PARD3B: variants seen among roughly 807,000 people sequenced by gnomAD.
PARD3B encodes the protein partitioning defective 3 homolog B.
Under a neutral mutation model 130.2 loss-of-function variants are expected in PARD3B, and 103 were observed. That is an observed-to-expected ratio of 0.79 (90% CI 0.67 to 0.93). The LOEUF (loss-of-function observed/expected upper bound fraction) is 0.93, where lower values mean the gene tolerates loss of function less well. PARD3B is among the 40% of genes least tolerant of loss of function. PARD3B has a pLI of 0.00. For missense variants in PARD3B, 1,609 were observed against 1,499.2 expected (o/e 1.07, Z -1.21); for synonymous variants, 583 against 553.2 (o/e 1.05, Z -0.76).
intron 11 of PARD3B, among the ~76,000 whole-genome samples, chr2:205,161,525 A>AAGT (rs1486587231): frequency 1.3e-5 from 2 of 152,124 alleles, no homozygotes; most frequent in African/African-American, 4.8e-5. Flanking sequence ...GGGGAAAAAA[A>AAGT]AGTATTTTTC....
At chr2:204,913,731 A>G (rs950337850) in intron 2 of PARD3B, among the ~76,000 whole-genome samples, 4 of 152,228 alleles carry the variant, frequency 2.6e-5, no homozygotes, top group Admixed American at 2.6e-4. Flanking sequence ...CCCAATAGAC[A>G]CATATTGGTA....
chr2:205,394,495 T>C (rs952435244), intron 18 of PARD3B, among the ~76,000 whole-genome samples: 1 of 152,160 alleles, frequency 6.6e-6, no homozygotes, highest in African/African-American at 2.4e-5. Flanking sequence ...AGAGACACTA[T>C]CTCTATCCTC....
intron 14 of PARD3B, among the ~76,000 whole-genome samples, chr2:205,190,486 G>C (rs890336747): frequency 6.6e-6 from 1 of 152,190 alleles, no homozygotes; most frequent in Admixed American, 6.5e-5. Flanking sequence ...CATAGTAAAA[G>C]GTGAGCAAGT....
intron 3 of PARD3B, among the ~76,000 whole-genome samples, chr2:204,994,960 G>C (rs1267077183): frequency 6.7e-6 from 1 of 149,684 alleles, no homozygotes; most frequent in East Asian, 2.0e-4. Flanking sequence ...CTTTTATTTT[G>C]AGCCTATGTG....
intron 18 of PARD3B, among the ~76,000 whole-genome samples, chr2:205,311,064 A>T (rs2042370686): frequency 6.6e-6 from 1 of 152,050 alleles, no homozygotes; most frequent in African/African-American, 2.4e-5. Context: ...ACATTTCTTT[A>T]TCCATTCATC....
At chr2:204,596,721 G>C (rs1009187328) in intron 1 of PARD3B, among the ~76,000 whole-genome samples, 9 of 152,154 alleles carry the variant, frequency 5.9e-5, no homozygotes, top group African/African-American at 1.9e-4. Context: ...CTGAGGTTGG[G>C]AGTTCCAGAC....
chr2:204,565,478 C>T (rs1000065746), intron 1 of PARD3B, among the ~76,000 whole-genome samples: 1 of 152,172 alleles, frequency 6.6e-6, no homozygotes, highest in Non-Finnish European at 1.5e-5. Flanking sequence ...TATTAGTTCA[C>T]TGAGTTGTAT....
At chr2:204,680,526 G>T (rs1022785621) in intron 1 of PARD3B, among the ~76,000 whole-genome samples, 1 of 151,430 alleles carries the variant, frequency 6.6e-6, no homozygotes, top group South Asian at 2.1e-4. Flanking sequence ...TTTATTTGTT[G>T]TTTTTTTATT....
intron 2 of PARD3B, among the ~76,000 whole-genome samples, chr2:204,736,137 A>G (rs1427014838): frequency 6.6e-6 from 1 of 150,554 alleles, no homozygotes; most frequent in African/African-American, 2.5e-5. Flanking sequence ...TTATGTTTCT[A>G]TACAGGAGGA....
intron 4 of PARD3B, among the ~76,000 whole-genome samples, chr2:205,080,794 GTTTGCCT>G (rs376045013): frequency 9.2e-5 from 14 of 152,096 alleles, no homozygotes; most frequent in African/African-American, 3.4e-4. Context: ...AATTGGTACT[GTTTGCCT>G]TTTTCATTTT....
intron 1 of PARD3B, among the ~76,000 whole-genome samples, chr2:204,554,460 G>A (rs1007012146): frequency 3.3e-5 from 5 of 151,852 alleles, no homozygotes; most frequent in Non-Finnish European, 5.9e-5. Context: ...CACCAGAAAT[G>A]CTTGTCATCA....
At chr2:205,538,494 T>C (rs868141642) in intron 21 of PARD3B, among the ~76,000 whole-genome samples, 184 of 131,150 alleles carry the variant, frequency 1.4e-3, no homozygotes, top group Middle Eastern at 4.3e-3. Flanking sequence ...CACACACACA[T>C]GCATATCATC....
At chr2:204,979,074 C>T (rs535039826) in intron 3 of PARD3B, among the ~76,000 whole-genome samples, 6 of 151,000 alleles carry the variant, frequency 4.0e-5, no homozygotes, top group South Asian at 4.2e-4. Context: ...GGCGTGGTGG[C>T]GGGCGCCTTT....
intron 16 of PARD3B, among the ~76,000 whole-genome samples, chr2:205,271,915 T>C (rs1414843515): frequency 2.0e-5 from 3 of 152,150 alleles, no homozygotes; most frequent in Admixed American, 1.3e-4. Context: ...CCCGGTACTT[T>C]GGGAGGCCGA....
chr2:205,305,760 A>G (rs375483251), intron 18 of PARD3B, among the ~76,000 whole-genome samples: 1 of 152,210 alleles, frequency 6.6e-6, no homozygotes, highest in East Asian at 1.9e-4. Flanking sequence ...CATGAGAAGC[A>G]TAATAGAATT....
At chr2:204,590,246 T>C (rs1313061138) in intron 1 of PARD3B, among the ~76,000 whole-genome samples, 1 of 152,114 alleles carries the variant, frequency 6.6e-6, no homozygotes, top group Non-Finnish European at 1.5e-5. Context: ...CCTGTCTCTT[T>C]TATAAGGGCA....
chr2:205,094,878 G>C (rs1361760253), intron 4 of PARD3B, among the ~76,000 whole-genome samples: 1 of 152,144 alleles, frequency 6.6e-6, no homozygotes, highest in Admixed American at 6.6e-5. Context: ...GGTTAAGGTA[G>C]AAATGCTTGG....
At chr2:204,895,940 C>T (rs72940415) in intron 2 of PARD3B, among the ~76,000 whole-genome samples, 2,386 of 152,246 alleles carry the variant, frequency 0.016, 31 homozygotes, top group Non-Finnish European at 0.019. Context: ...AGGATATAAA[C>T]AAAGGATAGT....
chr2:205,061,986 T>C (rs530825829), intron 4 of PARD3B, among the ~76,000 whole-genome samples: 2 of 152,156 alleles, frequency 1.3e-5, no homozygotes, highest in South Asian at 4.2e-4. Context: ...TTCAAATGGT[T>C]CAAACCTGTC....
Sources: allele counts gnomAD v4.1 joint callset (sites outside exome capture counted in the v4.1 genomes callset), GRCh38; gene constraint gnomAD v4.1.1; transcripts MANE v1.5; gene names NCBI Gene and HGNC (gene_info 2026-07-23, HGNC 2026-07-21).